Variants in INPP4B observed in about 807,000 individuals in gnomAD.
INPP4B encodes inositol polyphosphate 4-phosphatase type II.
INPP4B carries 55 observed loss-of-function variants against 122.5 expected under a neutral mutation model. The ratio of observed to expected loss-of-function variants is 0.45; its 90% CI spans 0.36 to 0.56. The LOEUF (loss-of-function observed/expected upper bound fraction) is 0.56. Among genes scored for constraint, INPP4B ranks in the 20% least tolerant of loss-of-function variants. The pLI is 0.00. For missense variants in INPP4B, 1,000 were observed against 1,097.7 expected (o/e 0.91, Z 1.26); for synonymous variants, 403 against 388.7 (o/e 1.04, Z -0.43).
At chr4:142,351,457 T>C (rs1257723461) in intron 7 of INPP4B, among the ~76,000 whole-genome samples, 1 of 152,034 alleles carries the variant, frequency 6.6e-6, no homozygotes, top group Non-Finnish European at 1.5e-5. Flanking sequence ...TGTTCCCTGA[T>C]GGACCCTGAT....
intron 2 of INPP4B, among the ~76,000 whole-genome samples, chr4:142,718,432 C>A (rs72728621): frequency 0.12 from 18,200 of 152,042 alleles, 1,244 homozygotes; most frequent in Non-Finnish European, 0.15. Flanking sequence ...AGACAGATGC[C>A]CCAATCGGAT....
rs769760277 is a variant in INPP4B, at chr4:142,405,260, T to G, written c.201A>C (p.Val67=). 5.6e-6 allele frequency: 9 copies of G among 1,612,992 alleles called. No individual in the cohort carries two copies. The highest frequency in any genetic ancestry group is 7.6e-6 in the Non-Finnish European group (9 of 1,179,556). Residue 67 remains valine, a synonymous_variant, in exon 6 of 26, where the codon GTA becomes GTC. Coordinates refer to ENST00000262992, the MANE Select transcript of INPP4B (RefSeq NM_001101669.3). Reference sequence around the variant, plus strand: ...TCAGACTCTGCTCCACGGGGTGGATTACGGAGATCTGCACCAGTGTATTCA... The same window carrying G: ...TCAGACTCTGCTCCACGGGGTGGATGACGGAGATCTGCACCAGTGTATTCA... ...RKLNTLVQIS[V]IHPVEQSLTR...
intron 1 of INPP4B, among the ~76,000 whole-genome samples, chr4:142,813,914 A>C (rs1580980127): frequency 6.6e-6 from 1 of 152,278 alleles, no homozygotes; most frequent in Non-Finnish European, 1.5e-5. Flanking sequence ...TAGTTTCTCT[A>C]ATCAAACCCC....
Position 142,593,544 on chromosome 4 carries a change from A to G in INPP4B, c.-190-130818T>C, listed in dbSNP as rs1018043440. Among the ~76,000 whole-genome samples the G allele has an allele frequency of 3.1e-4, 47 of 151,936 alleles. 1 individual carries two copies. Among genetic ancestry groups the G allele is most frequent in the African/African-American group, 1.1e-3 (44 of 41,412 alleles). ...ATAAATTTCAATCCTGTATCAGTCA[A>G]CTCTCTACTTTCTCATTGCTGGACC... On this transcript the variant is annotated intron_variant, in intron 2 of 25. Coordinates refer to ENST00000262992, the MANE Select transcript of INPP4B (RefSeq NM_001101669.3).
At position 142,315,412 on chromosome 4, in the gene INPP4B, T is replaced by A. The variant is rs115574728; in HGVS notation, c.373-650A>T. 4.5e-3 allele frequency among the ~76,000 whole-genome samples: 687 copies of A among 152,214 alleles called. 7 individuals are homozygous for A. The highest frequency in any genetic ancestry group is 0.015 in the African/African-American group (637 of 41,520). ...GGGAATAATGTCAAAGAACCGGTTA[T>A]CTGGGCAAGCTTTCCAAAAAGGTGT... On this transcript the variant is annotated intron_variant, in intron 7 of 25. Coordinates refer to ENST00000262992, the MANE Select transcript of INPP4B (RefSeq NM_001101669.3).
intron 14 of INPP4B, among the ~76,000 whole-genome samples, chr4:142,202,549 A>G (rs1258737996): frequency 6.6e-6 from 1 of 152,062 alleles, no homozygotes; most frequent in Admixed American, 6.6e-5. Flanking sequence ...GAAATCAGAG[A>G]GCTCTAGAAG....
At chr4:142,308,821 G>A (rs1764387121) in intron 8 of INPP4B, among the ~76,000 whole-genome samples, 1 of 152,076 alleles carries the variant, frequency 6.6e-6, no homozygotes, top group Non-Finnish European at 1.5e-5. Flanking sequence ...AGACAAAAAA[G>A]GGAAAGCTTC....
In INPP4B at chr4:142,476,490, A is replaced by G. The variant is rs4054899; in HGVS notation, c.-190-13764T>C. On this transcript the variant is annotated intron_variant, in intron 2 of 25. Transcript: ENST00000262992. ...AGGCTCAAACCTTAAATGTAAATGG[A>G]CTGAATGTTCCAATTAAAAAGCACA... 6.3e-3 allele frequency among the ~76,000 whole-genome samples: 955 copies of G among 152,266 alleles called. 14 individuals carry two copies. Among genetic ancestry groups the G allele is most frequent in the African/African-American group, 0.022 (901 of 41,568 alleles).
At position 142,107,849 on chromosome 4, in the gene INPP4B, C is replaced by T. The variant is rs576022265; in HGVS notation, c.2374+244G>A. On this transcript the variant is annotated intron_variant, in intron 23 of 25. Coordinates refer to ENST00000262992, the MANE Select transcript of INPP4B (RefSeq NM_001101669.3). Reference sequence around the variant, plus strand: ...CATATTTTTATTATTTGGCATTTTCCAGTGGCAATGAAATTAATGTCTCAG... The same window carrying T: ...CATATTTTTATTATTTGGCATTTTCTAGTGGCAATGAAATTAATGTCTCAG... Among the ~76,000 whole-genome samples the T allele has an allele frequency of 3.9e-5, 6 of 152,090 alleles. No individual in the cohort carries two copies. The South Asian group carries it at 1.2e-3, about 32-fold the overall frequency.
chr4:142,223,044 C>T (rs1320501738), intron 12 of INPP4B, among the ~76,000 whole-genome samples: 1 of 152,036 alleles, frequency 6.6e-6, no homozygotes, highest in Non-Finnish European at 1.5e-5. Flanking sequence ...TCACAATAAC[C>T]ATGTGCATAT....
At position 142,026,236 on chromosome 4, in the gene INPP4B, C is replaced by G. The variant is rs1261946557; in HGVS notation, c.*2546G>C. 1 of 152,036 alleles carries G rather than the reference C, an allele frequency of 6.6e-6. No individual in the cohort carries two copies. The highest frequency in any genetic ancestry group is 2.4e-5 in the African/African-American group (1 of 41,406). 9.4% of individuals were successfully genotyped at this position (152,036 alleles called of 1,614,324 possible). On this transcript the variant is annotated 3_prime_UTR_variant, in exon 26 of 26. Transcript: ENST00000262992. Reference sequence around the variant, plus strand: ...CTTTAACATTTGCTCTTTGATTTAGCCTTAATAACTTAAGAAATAGTGAAG... The same window carrying G: ...CTTTAACATTTGCTCTTTGATTTAGGCTTAATAACTTAAGAAATAGTGAAG...
chr4:142,142,888 T>C (rs1043310640), intron 18 of INPP4B, among the ~76,000 whole-genome samples: 2 of 152,018 alleles, frequency 1.3e-5, no homozygotes, highest in Non-Finnish European at 2.9e-5. Flanking sequence ...AAAATATGGC[T>C]CCCTGATATA....
chr4:142,798,136 G>C (rs1211702998), intron 1 of INPP4B, among the ~76,000 whole-genome samples: 2 of 151,912 alleles, frequency 1.3e-5, no homozygotes, highest in African/African-American at 2.4e-5. Context: ...TTACAAAAAG[G>C]CACCTATTTC....
intron 25 of INPP4B, among the ~76,000 whole-genome samples, chr4:142,060,536 G>T (rs1760076125): frequency 6.6e-6 from 1 of 152,142 alleles, no homozygotes; most frequent in Non-Finnish European, 1.5e-5. Flanking sequence ...TATCAGCCTA[G>T]GCTCTTGGAA....
chr4:142,207,873 C>A (rs1843211989), intron 14 of INPP4B, among the ~76,000 whole-genome samples: 1 of 152,044 alleles, frequency 6.6e-6, no homozygotes, highest in South Asian at 2.1e-4. Context: ...CACTCTGGAC[C>A]ACTTTCAGGT....
intron 1 of INPP4B, among the ~76,000 whole-genome samples, chr4:142,753,709 G>C (rs1770076827): frequency 6.6e-6 from 1 of 151,888 alleles, no homozygotes; most frequent in Non-Finnish European, 1.5e-5. Context: ...TTCTCAAAGA[G>C]AAAATAAAAC....
intron 2 of INPP4B, among the ~76,000 whole-genome samples, chr4:142,526,288 T>A (rs1826904295): frequency 6.6e-6 from 1 of 152,082 alleles, no homozygotes; most frequent in Non-Finnish European, 1.5e-5. Flanking sequence ...GGTGTAAAAG[T>A]GCACAAAGAG....
intron 2 of INPP4B, among the ~76,000 whole-genome samples, chr4:142,530,702 G>C (rs1226687683): frequency 6.6e-6 from 1 of 151,984 alleles, no homozygotes; most frequent in African/African-American, 2.4e-5. Flanking sequence ...TCTCTGATCA[G>C]ACTATGATCG....
intron 14 of INPP4B, among the ~76,000 whole-genome samples, chr4:142,198,366 T>C (rs79488278): frequency 0.03 from 4,520 of 152,114 alleles, 210 homozygotes; most frequent in African/African-American, 0.1. Flanking sequence ...ACTAGGTACA[T>C]ACTTAAATTA....
Sources: allele counts gnomAD v4.1 joint callset (sites outside exome capture counted in the v4.1 genomes callset), GRCh38; gene constraint gnomAD v4.1.1; transcripts MANE v1.5; gene names NCBI Gene and HGNC (gene_info 2026-07-23, HGNC 2026-07-21).